Variants in DPF3 observed in about 807,000 individuals in gnomAD.
DPF3 encodes double PHD fingers 3.
In DPF3, 18 loss-of-function variants were observed where a neutral mutation model predicts 56.8. The ratio of observed to expected loss-of-function variants is 0.32; its 90% CI spans 0.22 to 0.47. The LOEUF is 0.47. Among genes scored for constraint, DPF3 ranks in the 20% least tolerant of loss-of-function variants. The pLI is 1.00. For missense variants in DPF3, 403 were observed against 488.8 expected (o/e 0.82, Z 1.65); for synonymous variants, 188 against 180.2 (o/e 1.04, Z -0.35).
intron 1 of DPF3, among the ~76,000 whole-genome samples, chr14:72,812,674 G>GC (rs138552501): frequency 1.5e-3 from 226 of 152,262 alleles, no homozygotes; most frequent in African/African-American, 5.3e-3. Context: ...TTGTAGCTAG[G>GC]CCTGGGGGGA....
intron 8 of DPF3, among the ~76,000 whole-genome samples, chr14:72,657,664 C>G (rs1886095296): frequency 1.3e-5 from 2 of 152,296 alleles, no homozygotes; most frequent in South Asian, 4.1e-4. Flanking sequence ...CAGTGCAATA[C>G]TCTCATTTCT....
intron 1 of DPF3, among the ~76,000 whole-genome samples, chr14:72,812,746 A>C (rs754088404): frequency 6.6e-6 from 1 of 152,122 alleles, no homozygotes; most frequent in Non-Finnish European, 1.5e-5. Flanking sequence ...AGCAGTGTGC[A>C]ATGCGTCCGG....
In DPF3 at chr14:72,815,774, G is replaced by T. The variant is rs61986322; in HGVS notation, c.33-43881C>A. ...TACAGTTCTGGAGGTCAGAACGTCC[G>T]AAATCAGTCTCACTGGGCCAGCATC... On this transcript the variant is annotated intron_variant, in intron 1 of 10. Coordinates refer to ENST00000556509, the MANE Select transcript of DPF3 (RefSeq NM_001280542.3). 6.6e-4 allele frequency among the ~76,000 whole-genome samples: 101 copies of T among 152,082 alleles called. 1 individual carries two copies. The South Asian group carries it at 0.018, about 28-fold the overall frequency.
At chr14:72,821,085 G>A (rs1883512312) in intron 1 of DPF3, among the ~76,000 whole-genome samples, 1 of 148,022 alleles carries the variant, frequency 6.8e-6, no homozygotes, top group Non-Finnish European at 1.5e-5. Flanking sequence ...AGTGAGCTGT[G>A]ATCACGCCAC....
rs1421306369 is a variant in DPF3, at chr14:72,617,525, G to A, written c.*1772C>T. ...GAAGATGAAAATTCCATCCGGTCGG[G>A]GGCCCTTTAAATGAGACCATTATGT... On this transcript the variant is annotated 3_prime_UTR_variant, in exon 11 of 11. Transcript: ENST00000556509. Among the ~76,000 whole-genome samples, 1 of 152,146 alleles carries A rather than the reference G, an allele frequency of 6.6e-6. No individual in the cohort carries two copies. Among genetic ancestry groups the A allele is most frequent in the Non-Finnish European group, 1.5e-5 (1 of 68,026 alleles).
chr14:72,854,019 A>G (rs1199779354), intron 1 of DPF3, among the ~76,000 whole-genome samples: 1 of 152,060 alleles, frequency 6.6e-6, no homozygotes, highest in African/African-American at 2.4e-5. Context: ...GAACACATAA[A>G]CTCATGAAAC....
rs143361282 is a variant in DPF3, at chr14:72,745,794, G to C, written c.301+7470C>G. Among the ~76,000 whole-genome samples, 161 of 152,222 alleles carry C rather than the reference G, an allele frequency of 1.1e-3. 1 individual carries two copies. The highest frequency in any genetic ancestry group is 3.8e-3 in the African/African-American group (158 of 41,530). On this transcript the variant is annotated intron_variant, in intron 3 of 10. Transcript: ENST00000556509. ...ATCCTGAGTCACGCGCGAAGTATCA[G>C]CCAAAAAACTGAGCTCTCCTTGAGC...
chr14:72,832,211 T>C (rs565715074), intron 1 of DPF3, among the ~76,000 whole-genome samples: 1 of 152,128 alleles, frequency 6.6e-6, no homozygotes, highest in Non-Finnish European at 1.5e-5. Context: ...AGTAAGACCA[T>C]GTTTCTTTAA....
intron 1 of DPF3, among the ~76,000 whole-genome samples, chr14:72,824,788 T>G (rs1883717381): frequency 6.6e-6 from 1 of 152,080 alleles, no homozygotes; most frequent in African/African-American, 2.4e-5. Context: ...GCCAGGCTGG[T>G]CTCGAACTCC....
chr14:72,770,652 T>A (rs1401352549), intron 2 of DPF3, among the ~76,000 whole-genome samples: 1 of 152,234 alleles, frequency 6.6e-6, no homozygotes, highest in Non-Finnish European at 1.5e-5. Flanking sequence ...TGAAACACGA[T>A]TGACCATGAG....
In DPF3 at chr14:72,610,163, C is replaced by A. The variant is rs1339550867; in HGVS notation, c.*9134G>T. ...GGTGCCCATACCTGGAAGAAGCAAT[C>A]CCAGGTTTGCTTCGTATCTGCAGGT... On this transcript the variant is annotated 3_prime_UTR_variant, in exon 11 of 11. Coordinates refer to ENST00000556509, the MANE Select transcript of DPF3 (RefSeq NM_001280542.3). Among the ~76,000 whole-genome samples the A allele has an allele frequency of 6.6e-6, 1 of 152,184 alleles. No individual in the cohort carries two copies. Among genetic ancestry groups the A allele is most frequent in the Non-Finnish European group, 1.5e-5 (1 of 68,038 alleles).
intron 5 of DPF3, among the ~76,000 whole-genome samples, chr14:72,722,883 C>T (rs567258257): frequency 8.5e-5 from 13 of 152,242 alleles, no homozygotes; most frequent in African/African-American, 3.1e-4. Flanking sequence ...TCTGCCCTTC[C>T]CCAGGCTCTG....
chr14:72,668,911 G>A (rs748981231), intron 8 of DPF3, among the ~76,000 whole-genome samples: 7 of 152,288 alleles, frequency 4.6e-5, no homozygotes, highest in East Asian at 3.9e-4. Context: ...TTGTATCCCC[G>A]TAGCAGAAAC....
Position 72,693,146 on chromosome 14 carries a change from G to T in DPF3, c.672C>A (p.Ser224Arg). ...SYHYAHTHLA[S>R]EEGDEAQDQE... The stretch of plus-strand genomic sequence containing the variant: ...GGTCTTGAGCTTCATCCCCCTCCTC[G>T]CTGGCCAGGTGAGTGTGAGCATAGT... Residue 224 changes from serine (S) to arginine (R), a missense_variant, in exon 7 of 11, where the codon AGC (serine) becomes AGA (arginine). Transcript: ENST00000556509. The T allele has an allele frequency of 6.2e-7, 1 of 1,613,952 alleles. No homozygotes were observed. Among genetic ancestry groups the T allele is most frequent in the South Asian group, 1.1e-5 (1 of 91,080 alleles).
intron 8 of DPF3, among the ~76,000 whole-genome samples, chr14:72,658,100 A>T (rs1886106752): frequency 6.6e-6 from 1 of 152,208 alleles, no homozygotes; most frequent in Non-Finnish European, 1.5e-5. Flanking sequence ...CAGTAGGGTG[A>T]CTGTAGTCAG....
chr14:72,731,657 G>C (rs1889651321), intron 4 of DPF3, 150 bp downstream of exon 4: 3 of 1,061,326 alleles, frequency 2.8e-6, no homozygotes, highest in Non-Finnish European at 2.7e-6. Flanking sequence ...AAAAGAATTT[G>C]GGAGCTTCCT....
At chr14:72,740,082 G>A (rs1032602715) in intron 3 of DPF3, among the ~76,000 whole-genome samples, 2 of 152,220 alleles carry the variant, frequency 1.3e-5, no homozygotes, top group Non-Finnish European at 2.9e-5. Context: ...AGGGGGCTAC[G>A]CTGACATCCA....
At chr14:72,893,572 T>A (rs985454349) in intron 1 of DPF3, among the ~76,000 whole-genome samples, 2 of 151,900 alleles carry the variant, frequency 1.3e-5, no homozygotes, top group East Asian at 2.0e-4. Context: ...GTCCGTCCGC[T>A]GGACCCAGCG....
rs185478589 is a variant in DPF3, at chr14:72,732,264, T to C, written c.302-330A>G. Among the ~76,000 whole-genome samples the C allele has an allele frequency of 3.8e-3, 572 of 152,376 alleles. 2 individuals are homozygous for C. The highest frequency in any genetic ancestry group is 6.4e-3 in the African/African-American group (266 of 41,596). ...GCAGGCGTCAGGAGCGTGGAGCCCTTATTGCATCCACAAAGCAGGGGTAAC... is the reference window on the plus strand; with the variant it reads ...GCAGGCGTCAGGAGCGTGGAGCCCTCATTGCATCCACAAAGCAGGGGTAAC... On this transcript the variant is annotated intron_variant, in intron 3 of 10. Transcript: ENST00000556509.
Sources: allele counts gnomAD v4.1 joint callset (sites outside exome capture counted in the v4.1 genomes callset), GRCh38; gene constraint gnomAD v4.1.1; transcripts MANE v1.5; gene names NCBI Gene and HGNC (gene_info 2026-07-23, HGNC 2026-07-21).